The following STX11 variants were observed in gnomAD, a reference collection of about 807,000 sequenced individuals.
The protein encoded by STX11 is syntaxin 11.
A neutral mutation model predicts 19.9 loss-of-function variants in STX11; 21 were observed. The observed-to-expected ratio is 1.06, with a 90% CI of 0.75 to 1.52. The LOEUF (loss-of-function observed/expected upper bound fraction) is 1.52. Among genes scored for constraint, STX11 ranks in the 40% most tolerant of loss-of-function variants. The pLI is 0.00. For synonymous variants in STX11, 193 were observed against 174.4 expected (o/e 1.11, Z -0.84); for missense variants, 438 against 405.9 (o/e 1.08, Z -0.68).
chr6:144,187,567 C>G lies in STX11; in HGVS notation c.*76C>G. 1 of 1,595,264 alleles carries G rather than the reference C, an allele frequency of 6.3e-7. No homozygotes were observed. The highest frequency in any genetic ancestry group is 1.1e-5 in the South Asian group (1 of 89,526). On this transcript the variant is annotated 3_prime_UTR_variant, in exon 2 of 2. Transcript: ENST00000367568. The surrounding 1 kb of genome is among the most constrained non-coding windows in gnomAD (Gnocchi z 5.6). Reference sequence around the variant, plus strand: ...GAAGGACGCACCAAAGCCGGGAGCTCTGCCCTGCAGGGAGTTGCCCCAACC... The same window carrying G: ...GAAGGACGCACCAAAGCCGGGAGCTGTGCCCTGCAGGGAGTTGCCCCAACC...
At chr6:144,171,946 C>T (rs971794019) in intron 1 of STX11, among the ~76,000 whole-genome samples, 2 of 152,156 alleles carry the variant, frequency 1.3e-5, no homozygotes, top group African/African-American at 4.8e-5. Flanking sequence ...AGGTGACATA[C>T]TTCATAAGGA....
At chr6:144,179,357 G>T (rs897641832) in intron 1 of STX11, among the ~76,000 whole-genome samples, 1 of 152,128 alleles carries the variant, frequency 6.6e-6, no homozygotes, top group African/African-American at 2.4e-5. Flanking sequence ...CCTCTTAGAT[G>T]TGTCATTTTA....
Position 144,190,184 on chromosome 6 carries a change from G to A in STX11, c.*2693G>A, listed in dbSNP as rs1445478859. Among the ~76,000 whole-genome samples, 1 of 152,180 alleles carries A rather than the reference G, an allele frequency of 6.6e-6. No homozygotes were observed. Among genetic ancestry groups the A allele is most frequent in the South Asian group, 2.1e-4 (1 of 4,824 alleles). On this transcript the variant is annotated 3_prime_UTR_variant, in exon 2 of 2. Transcript: ENST00000367568. Reference sequence around the variant, plus strand: ...GCTGTTTGGGAACCATCTCAGTGTGGCGTAATGGTTAGGAGTACAGATTCC... The same window carrying A: ...GCTGTTTGGGAACCATCTCAGTGTGACGTAATGGTTAGGAGTACAGATTCC...
At position 144,191,671 on chromosome 6, in the gene STX11, A is replaced by G. The variant is rs1256281118; in HGVS notation, c.*4180A>G. ...TCCAACTGCAGCATGCAACTCATTC[A>G]TTTGTAATCAAGACGATAGTTTGAA... On this transcript the variant is annotated 3_prime_UTR_variant, in exon 2 of 2. Transcript: ENST00000367568. 6.6e-6 allele frequency among the ~76,000 whole-genome samples: 1 copy of G among 152,190 alleles called. No homozygotes were observed. Among genetic ancestry groups the G allele is most frequent in the Admixed American group, 6.5e-5 (1 of 15,276 alleles).
At chr6:144,179,928 G>A (rs998222056) in intron 1 of STX11, among the ~76,000 whole-genome samples, 1 of 152,342 alleles carries the variant, frequency 6.6e-6, no homozygotes, top group Non-Finnish European at 1.5e-5. Flanking sequence ...TGTATGGAGT[G>A]TATATCTTGG....
In STX11 at chr6:144,176,107, T is replaced by C. The variant is rs1389188314; in HGVS notation, c.-5-10516T>C. On this transcript the variant is annotated intron_variant, in intron 1 of 1. Transcript: ENST00000367568. This position sits in a 1 kb window ranked among gnomAD's most constrained non-coding sequence, Gnocchi z 4.1. ...TTCACTAATTAGATAAGCAACTCCATGCCCCTTTGCAGGAGGAGGTGGAGA... is the reference window on the plus strand; with the variant it reads ...TTCACTAATTAGATAAGCAACTCCACGCCCCTTTGCAGGAGGAGGTGGAGA... Among the ~76,000 whole-genome samples, 2 of 152,164 alleles carry C rather than the reference T, an allele frequency of 1.3e-5. No individual in the cohort carries two copies. The highest frequency in any genetic ancestry group is 2.9e-5 in the Non-Finnish European group (2 of 68,032).
chr6:144,185,500 C>T (rs1336675321), intron 1 of STX11, among the ~76,000 whole-genome samples: 2 of 152,098 alleles, frequency 1.3e-5, no homozygotes, highest in African/African-American at 4.8e-5. Flanking sequence ...CACTGAAAAG[C>T]AATATGAACA....
rs113402165 is a variant in STX11 at position 144,172,243 on chromosome 6, A to G, written c.-5-14380A>G. 1.3e-5 allele frequency among the ~76,000 whole-genome samples: 2 copies of G among 152,296 alleles called. No homozygotes were observed. Among genetic ancestry groups the G allele is most frequent in the African/African-American group, 4.8e-5 (2 of 41,564 alleles). ...ATAATCCATGTAAACCTTCCACAAC[A>G]GTCTCTGGCAGATAGTAAGCACCTG... On this transcript the variant is annotated intron_variant, in intron 1 of 1. Coordinates refer to ENST00000367568, the MANE Select transcript of STX11 (RefSeq NM_003764.4). This position sits in a 1 kb window ranked among gnomAD's most constrained non-coding sequence, Gnocchi z 4.2.
rs1417334704 is a variant in STX11, at chr6:144,186,823, G to A, written c.196G>A (p.Gly66Arg). ...QLLVADVKRL[G>R]KQNARFLTSM... The stretch of plus-strand genomic sequence containing the variant: ...GCTGGTGGCCGACGTGAAGCGGCTG[G>A]GAAAGCAGAACGCCCGCTTCCTCAC... The change falls in exon 2 of 2, where the codon GGA (glycine) becomes AGA (arginine). Residue 66 changes from glycine to arginine, a missense_variant. Physicochemically the swap from Gly to Arg is moderately radical, Grantham distance 125. Coordinates refer to ENST00000367568, the MANE Select transcript of STX11 (RefSeq NM_003764.4). The A allele has an allele frequency of 3.1e-6, 5 of 1,613,462 alleles. No individual in the cohort carries two copies. Among genetic ancestry groups the A allele is most frequent in the Non-Finnish European group, 3.4e-6 (4 of 1,179,980 alleles).
At position 144,169,209 on chromosome 6, in the gene STX11, A is replaced by G. The variant is rs2128751171; in HGVS notation, c.-5-17414A>G. Reference sequence around the variant, plus strand: ...CCTGCACAGTTGTTCTGTCCTTGGCATCCTTAATTCCTGTAGAGGCTGTCT... The same window carrying G: ...CCTGCACAGTTGTTCTGTCCTTGGCGTCCTTAATTCCTGTAGAGGCTGTCT... On this transcript the variant is annotated intron_variant, in intron 1 of 1. Coordinates refer to ENST00000367568, the MANE Select transcript of STX11 (RefSeq NM_003764.4). The surrounding 1 kb of genome is among the most constrained non-coding windows in gnomAD (Gnocchi z 5.2). Among the ~76,000 whole-genome samples, 1 of 152,344 alleles carries G rather than the reference A, an allele frequency of 6.6e-6. No homozygotes were observed. Among genetic ancestry groups the G allele is most frequent in the South Asian group, 2.1e-4 (1 of 4,830 alleles).
Position 144,180,367 on chromosome 6 carries a change from GT to G in STX11, c.-5-6253del, listed in dbSNP as rs984664847. ...GTCTTGGTTATTTATGTGTGATATG[GT>G]TTGGCTGTGTCCCCACCAAATCTCA... On this transcript the variant is annotated intron_variant, in intron 1 of 1. Transcript: ENST00000367568. The surrounding 1 kb of genome is among the most constrained non-coding windows in gnomAD (Gnocchi z 5.3). 5.3e-5 allele frequency among the ~76,000 whole-genome samples: 8 copies of G among 152,170 alleles called. No homozygotes were observed. The highest frequency in any genetic ancestry group is 2.1e-4 in the South Asian group (1 of 4,830).
chr6:144,157,385 C>G (rs1801198465), intron 1 of STX11, among the ~76,000 whole-genome samples: 2 of 152,182 alleles, frequency 1.3e-5, no homozygotes, highest in Non-Finnish European at 2.9e-5. Flanking sequence ...GAACTGGGAG[C>G]CTTCAGCAGC....
rs1223555452 is a variant in STX11 at position 144,170,884 on chromosome 6, C to CT, written c.-5-15738dup. Among the ~76,000 whole-genome samples, 1 of 152,206 alleles carries CT rather than the reference C, an allele frequency of 6.6e-6. No individual in the cohort carries two copies. Among genetic ancestry groups the CT allele is most frequent in the Non-Finnish European group, 1.5e-5 (1 of 68,032 alleles). On this transcript the variant is annotated intron_variant, in intron 1 of 1. Coordinates refer to ENST00000367568, the MANE Select transcript of STX11 (RefSeq NM_003764.4). This position sits in a 1 kb window ranked among gnomAD's most constrained non-coding sequence, Gnocchi z 4.7. ...GTAACATATACAAAGTGCTCACTCT[C>CT]TGCCAGGTGCTAGTCTTAAGAGCTT...
chr6:144,169,665 CT>C lies in STX11; in HGVS notation c.-5-16956del, dbSNP rs1801576207. Reference sequence around the variant, plus strand: ...CCTTTTCTTTTCCCTCCCTCCCTCCCTTCCTTCCTTCCTTCCTTCCTTCTTT... The same window carrying C: ...CCTTTTCTTTTCCCTCCCTCCCTCCCTCCTTCCTTCCTTCCTTCCTTCTTT... On this transcript the variant is annotated intron_variant, in intron 1 of 1. Transcript: ENST00000367568. The surrounding 1 kb of genome is among the most constrained non-coding windows in gnomAD (Gnocchi z 5.2). Among the ~76,000 whole-genome samples, 1 of 149,496 alleles carries C rather than the reference CT, an allele frequency of 6.7e-6. No homozygotes were observed. Among genetic ancestry groups the C allele is most frequent in the East Asian group, 2.0e-4 (1 of 5,098 alleles).
chr6:144,150,369 G>A, upstream of STX11: 1 of 458,200 alleles, frequency 2.2e-6, no homozygotes, highest in Non-Finnish European at 2.9e-6. Context: ...GGCTCCGGGC[G>A]GTCCCGAGCG....
chr6:144,143,632 C>T, the STX11 span, among the ~76,000 whole-genome samples: 1 of 152,118 alleles, frequency 6.6e-6, no homozygotes, highest in Admixed American at 6.5e-5. Flanking sequence ...TGTCCTCCTG[C>T]CAGTTTTCCT....
chr6:144,168,667 C>T (rs1009728631), intron 1 of STX11, among the ~76,000 whole-genome samples: 1 of 152,202 alleles, frequency 6.6e-6, no homozygotes, highest in African/African-American at 2.4e-5. Flanking sequence ...CCCACCAGAG[C>T]TTGTGCCAGG....
the STX11 span, among the ~76,000 whole-genome samples, chr6:144,140,233 TATATATATATATATATATATA>T: frequency 2.0e-5 from 1 of 49,442 alleles, no homozygotes; most frequent in East Asian, 5.2e-4. Context: ...TATATATATA[TATATATATATATATATATATA>T]TTTATTTATT....
rs993966640 is a variant in STX11, at chr6:144,183,907, A to G, written c.-5-2716A>G. ...CCCCCGCACTTCCCCGACAGGCCCC[A>G]CTGTGCATTATTCCCCTCCCTGTGT... On this transcript the variant is annotated intron_variant, in intron 1 of 1. Transcript: ENST00000367568. The surrounding 1 kb of genome is among the most constrained non-coding windows in gnomAD (Gnocchi z 4.6). Among the ~76,000 whole-genome samples the G allele has an allele frequency of 6.6e-5, 10 of 151,438 alleles. No individual in the cohort carries two copies. Among genetic ancestry groups the G allele is most frequent in the African/African-American group, 2.2e-4 (9 of 41,232 alleles).
Sources: allele counts gnomAD v4.1 joint callset (sites outside exome capture counted in the v4.1 genomes callset), GRCh38; gene constraint gnomAD v4.1.1; non-coding constraint Gnocchi (gnomAD v3.1); transcripts MANE v1.5; gene names NCBI Gene and HGNC (gene_info 2026-07-23, HGNC 2026-07-21).